Variants in BLM observed in about 807,000 individuals in gnomAD.
BLM encodes the protein recQ-like DNA helicase BLM.
In BLM, 95 loss-of-function variants were observed where a neutral mutation model predicts 135.3. That is an observed-to-expected ratio of 0.70 (90% CI 0.59 to 0.83). The LOEUF is 0.83. Ranked by LOEUF, BLM falls within the 40% of genes least tolerant of loss-of-function variation. The pLI, the probability that BLM is intolerant of heterozygous loss-of-function variation, is 0.00. For synonymous variants in BLM, 520 were observed against 589.2 expected (o/e 0.88, Z 1.70); for missense variants, 1,518 against 1,663.9 (o/e 0.91, Z 1.53).
intron 1 of BLM, among the ~76,000 whole-genome samples, chr15:90,744,755 A>G (rs1314030084): frequency 1.3e-5 from 2 of 151,970 alleles, no homozygotes; most frequent in African/African-American, 2.4e-5. Context: ...TCTCCATTAA[A>G]AAGAATCAGG....
chr15:90,737,597 CAA>C (rs1895252275), intron 1 of BLM, among the ~76,000 whole-genome samples: 1 of 152,040 alleles, frequency 6.6e-6, no homozygotes, highest in South Asian at 2.1e-4. Context: ...AAGAAGAAAA[CAA>C]GAGACATTAG....
At position 90,784,611 on chromosome 15, in the gene BLM, C is replaced by T. The variant is rs28385062; in HGVS notation, c.2663-310C>T. ...TTGGCCTCCCAAAGTGCTGGGATTA[C>T]AGGCATGAGCCACCGCGCCCGGCCA... On this transcript the variant is annotated intron_variant, in intron 13 of 21. Coordinates refer to ENST00000355112, the MANE Select transcript of BLM (RefSeq NM_000057.4). Among the ~76,000 whole-genome samples the T allele has an allele frequency of 0.17, 26,064 of 151,458 alleles. 2,315 individuals are homozygous for T. Among genetic ancestry groups the T allele is most frequent in the Non-Finnish European group, 0.19 (12,736 of 67,864 alleles).
chr15:90,815,943 TG>T lies in BLM; in HGVS notation c.*665del. 1 of 152,444 alleles carries T rather than the reference TG, an allele frequency of 6.6e-6. No homozygotes were observed. The highest frequency in any genetic ancestry group is 1.9e-4 in the East Asian group (1 of 5,196). 9.4% of individuals were successfully genotyped at this position (152,444 alleles called of 1,614,324 possible). On this transcript the variant is annotated 3_prime_UTR_variant, in exon 22 of 22. Coordinates refer to ENST00000355112, the MANE Select transcript of BLM (RefSeq NM_000057.4). This position sits in a 1 kb window ranked among gnomAD's most constrained non-coding sequence, Gnocchi z 4.6. ...AAATACAAAAATTAGCCAGGCGTGG[TG>T]TACAGGCACGCCTGTAGTCCCAGCT... is the stretch of plus-strand genomic sequence containing the variant.
intron 10 of BLM, among the ~76,000 whole-genome samples, chr15:90,767,952 CTTT>C (rs796611948): frequency 7.2e-6 from 1 of 138,364 alleles, no homozygotes. Flanking sequence ...CTTTTTTTTT[CTTT>C]TTTTTTTTTT....
Position 90,726,182 on chromosome 15 carries a change from A to G in BLM, c.-5+8742A>G, listed in dbSNP as rs1894910013. On this transcript the variant is annotated intron_variant, in intron 1 of 21. Transcript: ENST00000355112. ...CCTCCTTCTAGCTATTTGAAACTGT[A>G]TAGTACATTATTGTTAACTGTAGTC... 1.5e-4 allele frequency among the ~76,000 whole-genome samples: 23 copies of G among 152,186 alleles called. 1 individual carries two copies. The highest frequency in any genetic ancestry group is 1.4e-3 in the Admixed American group (22 of 15,280).
chr15:90,727,201 A>C (rs1489142763), intron 1 of BLM, among the ~76,000 whole-genome samples: 1 of 151,836 alleles, frequency 6.6e-6, no homozygotes, highest in Admixed American at 6.6e-5. Flanking sequence ...TTTTGTAGAG[A>C]CGGAGTCTTG....
At chr15:90,804,609 A>G (rs148929249) in intron 19 of BLM, among the ~76,000 whole-genome samples, 3 of 152,182 alleles carry the variant, frequency 2.0e-5, no homozygotes, top group Non-Finnish European at 4.4e-5. Flanking sequence ...GACTACAGGT[A>G]CACACCAGCA....
chr15:90,735,078 A>C (rs1006764199), intron 1 of BLM, among the ~76,000 whole-genome samples: 28 of 151,820 alleles, frequency 1.8e-4, no homozygotes, highest in Non-Finnish European at 2.2e-4. Flanking sequence ...AATCCCATTT[A>C]CAGCAACAAG....
At chr15:90,802,505 T>C (rs866680694) in intron 17 of BLM, among the ~76,000 whole-genome samples, 5 of 152,250 alleles carry the variant, frequency 3.3e-5, no homozygotes, top group South Asian at 4.1e-4. Flanking sequence ...GAGCATCTTA[T>C]AGGGTGTTGT....
chr15:90,767,786 A>G (rs1393016421), intron 10 of BLM, among the ~76,000 whole-genome samples: 1 of 152,138 alleles, frequency 6.6e-6, no homozygotes, highest in South Asian at 2.1e-4. Flanking sequence ...CTTTGAGACT[A>G]CGTAAATACC....
chr15:90,816,095 AAAAAG>A lies in BLM; in HGVS notation c.*820_*824del, dbSNP rs2029917526. On this transcript the variant is annotated 3_prime_UTR_variant, in exon 22 of 22. Transcript: ENST00000355112. Reference sequence around the variant, plus strand: ...GACTCCGTCTCAAAAAAAAAAAAAAAAAAAGAAATATACATGCTCTGCAAATATGT... The same window carrying A: ...GACTCCGTCTCAAAAAAAAAAAAAAAAAATATACATGCTCTGCAAATATGT... The A allele has an allele frequency of 6.6e-6, 1 of 151,996 alleles. No individual in the cohort carries two copies. The highest frequency in any genetic ancestry group is 2.4e-5 in the African/African-American group (1 of 41,402). The allele number at this position is 151,996 out of a possible 1,614,324, so 9.4% of individuals were successfully genotyped here. A position where few individuals can be genotyped will look rare whatever the true frequency, so the allele number is the denominator to read the frequency against.
intron 12 of BLM, among the ~76,000 whole-genome samples, chr15:90,781,120 A>C (rs944190054): frequency 6.6e-6 from 1 of 152,236 alleles, no homozygotes; most frequent in East Asian, 1.9e-4. Flanking sequence ...GGGCAAGAAT[A>C]GTAGACCAGA....
intron 12 of BLM, among the ~76,000 whole-genome samples, chr15:90,771,515 AG>A (rs1423260669): frequency 2.6e-5 from 4 of 152,112 alleles, no homozygotes; most frequent in Non-Finnish European, 4.4e-5. Context: ...ACAAAAAAAA[AG>A]ATGTCATATT....
At chr15:90,742,585 C>G (rs895628233) in intron 1 of BLM, among the ~76,000 whole-genome samples, 5 of 151,972 alleles carry the variant, frequency 3.3e-5, no homozygotes, top group Non-Finnish European at 1.5e-5. Flanking sequence ...TTTTCTCCAT[C>G]CCATGTCTCT....
intron 1 of BLM, among the ~76,000 whole-genome samples, chr15:90,721,373 C>G (rs115823492): frequency 0.019 from 2,824 of 152,148 alleles, 92 homozygotes; most frequent in African/African-American, 0.061. Context: ...GTTGCTGAGG[C>G]TGAAGTGCAG....
chr15:90,737,873 C>T (rs1895259475), intron 1 of BLM, among the ~76,000 whole-genome samples: 1 of 151,848 alleles, frequency 6.6e-6, no homozygotes, highest in South Asian at 2.1e-4. Flanking sequence ...ATTGACAAAA[C>T]AGAATTGATT....
rs1417089374 is a variant in BLM, at chr15:90,749,548, C to T, written c.280C>T (p.Pro94Ser). 3.1e-6 allele frequency: 5 copies of T among 1,614,136 alleles called. No homozygotes were observed. The highest frequency in any genetic ancestry group is 4.2e-6 in the Non-Finnish European group (5 of 1,180,026). The change falls in exon 3 of 22, where the codon CCA becomes TCA. Residue 94 changes from proline (P) to serine (S), a missense_variant. Physicochemically the swap from Pro to Ser is moderately conservative, Grantham distance 74 (BLOSUM62 -1). Transcript: ENST00000355112. ...GGTCAAGGACTTCTTTAAAAATGCTCCAGCAGGACAGGAAACACAGAGAGG... is the reference window on the plus strand; with the variant it reads ...GGTCAAGGACTTCTTTAAAAATGCTTCAGCAGGACAGGAAACACAGAGAGG... The part of the protein sequence containing the change: ...QRVKDFFKNA[P>S]AGQETQRGGS...
intron 16 of BLM, among the ~76,000 whole-genome samples, chr15:90,796,423 T>C (rs185351061): frequency 1.3e-5 from 2 of 152,294 alleles, no homozygotes; most frequent in Non-Finnish European, 2.9e-5. Flanking sequence ...GCATAAATAT[T>C]GTACACTTCG....
intron 12 of BLM, among the ~76,000 whole-genome samples, chr15:90,776,084 T>A (rs1896469901): frequency 6.6e-6 from 1 of 152,226 alleles, no homozygotes; most frequent in African/African-American, 2.4e-5. Flanking sequence ...ATTGCTCACA[T>A]AAACATGTAG....
Sources: allele counts gnomAD v4.1 joint callset (sites outside exome capture counted in the v4.1 genomes callset), GRCh38; gene constraint gnomAD v4.1.1; non-coding constraint Gnocchi (gnomAD v3.1); transcripts MANE v1.5; gene names NCBI Gene and HGNC (gene_info 2026-07-23, HGNC 2026-07-21).